TENM3: variants seen among roughly 807,000 people sequenced by gnomAD.
The protein encoded by TENM3 is teneurin-3.
In TENM3, 63 loss-of-function variants were observed where a neutral mutation model predicts 255.1. The ratio of observed to expected loss-of-function variants is 0.25; its 90% confidence interval spans 0.20 to 0.30. The LOEUF (loss-of-function observed/expected upper bound fraction) is 0.30, where lower values mean the gene tolerates loss of function less well. TENM3 is among the 10% of genes least tolerant of loss of function. TENM3 has a pLI of 1.00. For synonymous variants in TENM3, 1,306 were observed against 1,322.3 expected (o/e 0.99, Z 0.27); for missense variants, 2,929 against 3,461.1 (o/e 0.85, Z 3.86).
intron 16 of TENM3, among the ~76,000 whole-genome samples, chr4:182,735,845 G>T (rs1317398171): frequency 6.6e-6 from 1 of 151,978 alleles, no homozygotes; most frequent in East Asian, 1.9e-4. Flanking sequence ...GTAATGTTTT[G>T]GCATAATGTA....
intron 1 of TENM3, among the ~76,000 whole-genome samples, chr4:182,260,163 T>C (rs1758687954): frequency 6.6e-6 from 1 of 152,236 alleles, no homozygotes; most frequent in African/African-American, 2.4e-5. Flanking sequence ...GGCGATTTCA[T>C]ATCTTGGCTA....
chr4:181,637,767 T>G, the TENM3 span, among the ~76,000 whole-genome samples: 1 of 152,232 alleles, frequency 6.6e-6, no homozygotes, highest in Non-Finnish European at 1.5e-5. Flanking sequence ...CATTTATTGT[T>G]TTGTTGTTGT....
the TENM3 span, among the ~76,000 whole-genome samples, chr4:181,682,425 C>T: frequency 6.6e-6 from 1 of 152,132 alleles, no homozygotes; most frequent in African/African-American, 2.4e-5. Context: ...GCAGTTGTTT[C>T]ACCAGATTGA....
the TENM3 span, among the ~76,000 whole-genome samples, chr4:181,598,592 A>G: frequency 6.6e-6 from 1 of 152,172 alleles, no homozygotes; most frequent in African/African-American, 2.4e-5. Context: ...TCTGAAACTG[A>G]GGCAAAGAAT....
At chr4:182,264,420 C>G (rs1024637179) in intron 1 of TENM3, among the ~76,000 whole-genome samples, 3 of 152,230 alleles carry the variant, frequency 2.0e-5, no homozygotes, top group African/African-American at 7.2e-5. Flanking sequence ...TTCTCTTGGT[C>G]TCTGCCTTCC....
the TENM3 span, among the ~76,000 whole-genome samples, chr4:181,848,080 C>T: frequency 5.3e-5 from 8 of 152,098 alleles, no homozygotes; most frequent in Non-Finnish European, 8.8e-5. Flanking sequence ...TTTTGCATTG[C>T]GCCCTTTATC....
At chr4:181,582,892 G>C in the TENM3 span, among the ~76,000 whole-genome samples, 275 of 152,188 alleles carry the variant, frequency 1.8e-3, no homozygotes, top group Non-Finnish European at 2.5e-3. Flanking sequence ...CACCTTTGAA[G>C]AAATTTATGT....
chr4:181,941,404 C>G, the TENM3 span, among the ~76,000 whole-genome samples: 1 of 151,834 alleles, frequency 6.6e-6, no homozygotes, highest in African/African-American at 2.4e-5. Flanking sequence ...TTAAATATCC[C>G]TTTTAAATTA....
chr4:181,568,516 T>C, the TENM3 span, among the ~76,000 whole-genome samples: 2 of 152,036 alleles, frequency 1.3e-5, no homozygotes, highest in African/African-American at 4.8e-5. Context: ...ACTGCTACCA[T>C]CTTGGGGTCC....
At chr4:181,471,066 A>T in the TENM3 span, among the ~76,000 whole-genome samples, 3 of 152,140 alleles carry the variant, frequency 2.0e-5, no homozygotes, top group Non-Finnish European at 2.9e-5. Flanking sequence ...AGAACCAATG[A>T]ATATTGATTT....
the TENM3 span, among the ~76,000 whole-genome samples, chr4:182,029,711 T>C: frequency 6.6e-6 from 1 of 152,170 alleles, no homozygotes; most frequent in South Asian, 2.1e-4. Context: ...AGGAGATAGA[T>C]GCACATGAAA....
chr4:182,014,042 ACG>A, the TENM3 span, among the ~76,000 whole-genome samples: 1 of 52,916 alleles, frequency 1.9e-5, no homozygotes, highest in Non-Finnish European at 4.1e-5. Context: ...ACACATATAT[ACG>A]TATATATACG....
In TENM3 at chr4:182,417,110, A is replaced by G. The variant is rs576123442; in HGVS notation, c.511+70181A>G. On this transcript the variant is annotated intron_variant, in intron 3 of 27. Coordinates refer to ENST00000511685, the MANE Select transcript of TENM3 (RefSeq NM_001080477.4). ...TGCCTCAGCCTCCCGAGTAGCTGGGATTACAGGCGCCTGCCACCACGCCCA... is the reference window on the plus strand; with the variant it reads ...TGCCTCAGCCTCCCGAGTAGCTGGGGTTACAGGCGCCTGCCACCACGCCCA... 1.1e-4 allele frequency among the ~76,000 whole-genome samples: 17 copies of G among 152,080 alleles called. No individual in the cohort carries two copies. The East Asian group carries it at 3.3e-3, about 30-fold the overall frequency.
intron 3 of TENM3, among the ~76,000 whole-genome samples, chr4:182,360,075 G>C (rs1765852314): frequency 6.6e-6 from 1 of 151,688 alleles, no homozygotes; most frequent in Non-Finnish European, 1.5e-5. Context: ...ATTGCACTGT[G>C]GTCTGAGAGA....
intron 1 of TENM3, among the ~76,000 whole-genome samples, chr4:182,272,993 A>G (rs1327682875): frequency 6.6e-6 from 1 of 152,204 alleles, no homozygotes; most frequent in African/African-American, 2.4e-5. Context: ...AGTTTGTAAA[A>G]GACAGTTGAT....
At chr4:182,621,541 C>G (rs1397125255) in intron 4 of TENM3, among the ~76,000 whole-genome samples, 1 of 141,112 alleles carries the variant, frequency 7.1e-6, no homozygotes, top group East Asian at 2.1e-4. Context: ...GGCAGGAAGA[C>G]TGCTTAAGGG....
At chr4:181,778,421 A>C in the TENM3 span, among the ~76,000 whole-genome samples, 1 of 152,094 alleles carries the variant, frequency 6.6e-6, no homozygotes, top group African/African-American at 2.4e-5. Flanking sequence ...CGCTTCTTTG[A>C]TCTATATAAA....
the TENM3 span, among the ~76,000 whole-genome samples, chr4:181,560,445 A>G: frequency 6.6e-6 from 1 of 152,214 alleles, no homozygotes; most frequent in African/African-American, 2.4e-5. Context: ...TTGAAATTAT[A>G]TAAACACATG....
chr4:181,812,613 C>T, the TENM3 span, among the ~76,000 whole-genome samples: 1 of 152,172 alleles, frequency 6.6e-6, no homozygotes, highest in Non-Finnish European at 1.5e-5. Flanking sequence ...CTCTGCCTTT[C>T]CTACGTCCAG....
Sources: gnomAD v4.1 joint callset for allele counts (sites outside exome capture counted in the v4.1 genomes callset) on GRCh38, gnomAD v4.1.1 for gene constraint, MANE v1.5 for transcripts, NCBI Gene and HGNC (gene_info 2026-07-23, HGNC 2026-07-21) for gene names.